The following TMPRSS2 variants were observed in gnomAD, a reference collection of about 807,000 sequenced individuals.
TMPRSS2 encodes transmembrane protease serine 2.
TMPRSS2 carries 59 observed loss-of-function variants against 67.4 expected under a neutral mutation model. That is an observed-to-expected ratio of 0.88 (90% CI 0.71 to 1.09). The LOEUF is 1.09. Ranked by LOEUF, TMPRSS2 falls within the 50% of genes least tolerant of loss-of-function variation. The pLI is 0.00. For missense variants in TMPRSS2, 668 were observed against 642.7 expected, an observed-to-expected ratio of 1.04 and a Z score of -0.43; for synonymous variants, 257 against 257.0, an observed-to-expected ratio of 1.00 and a Z score of 0.00.
chr21:41,498,103 ATAAT>A lies in TMPRSS2; in HGVS notation c.15+12_15+15del. 1.3e-6 allele frequency: 2 copies of A among 1,585,102 alleles called. No homozygotes were observed. The highest frequency in any genetic ancestry group is 1.7e-6 in the Non-Finnish European group (2 of 1,155,522). On this transcript the variant is annotated intron_variant, in intron 2 of 13. Coordinates refer to ENST00000332149, the MANE Select transcript of TMPRSS2 (RefSeq NM_005656.4). Reference sequence around the variant, plus strand: ...GAACAAAGAAAAGGCCAGGAAGGTAATAATTAACCACTTACTGAGTTCAAAGCCA... The same window carrying A: ...GAACAAAGAAAAGGCCAGGAAGGTAATAACCACTTACTGAGTTCAAAGCCA...
intron 13 of TMPRSS2, among the ~76,000 whole-genome samples, chr21:41,467,476 A>T (rs188235654): frequency 6.6e-6 from 1 of 152,154 alleles, no homozygotes; most frequent in African/African-American, 2.4e-5. Context: ...TTGGCAGAGC[A>T]CCAAGGAATT....
intron 9 of TMPRSS2, 149 bp from the exon 10 acceptor site, chr21:41,472,130 G>GA: frequency 1.6e-6 from 1 of 625,688 alleles, no homozygotes; most frequent in Non-Finnish European, 2.5e-6. Context: ...AGAGGTGCTC[G>GA]GTCTCCCCTT....
Position 41,468,728 on chromosome 21 carries a change from C to T in TMPRSS2, c.1172-190G>A, listed in dbSNP as rs143672898. 1.0e-3 allele frequency: 619 copies of T among 595,116 alleles called. 3 individuals carry two copies. The highest frequency in any genetic ancestry group is 3.1e-3 in the South Asian group (132 of 42,158). 36.9% of individuals were successfully genotyped at this position (595,116 alleles called of 1,614,324 possible). ...AAACCTGGATTCTCCTTACAACTGGCGGTGCCTGTGCTGAATGCAGCTCTG... is the reference window on the plus strand; with the variant it reads ...AAACCTGGATTCTCCTTACAACTGGTGGTGCCTGTGCTGAATGCAGCTCTG... On this transcript the variant is annotated intron_variant, in intron 11 of 13. Transcript: ENST00000332149.
chr21:41,502,897 T>C (rs1225304066), intron 1 of TMPRSS2, among the ~76,000 whole-genome samples: 1 of 152,174 alleles, frequency 6.6e-6, no homozygotes, highest in East Asian at 1.9e-4. Context: ...TCTCTCTCTT[T>C]CTGTTTGTTT....
intron 10 of TMPRSS2, among the ~76,000 whole-genome samples, 197 bp from the exon 11 acceptor site, chr21:41,470,940 A>T (rs540359900): frequency 5.9e-5 from 9 of 152,350 alleles, no homozygotes; most frequent in African/African-American, 2.2e-4. Flanking sequence ...TATGCTACTT[A>T]TAAGTAGAAT....
In TMPRSS2 at chr21:41,494,517, T is replaced by C; in HGVS notation, c.77A>G (p.Tyr26Cys). ...ENHGYQPENPYPAQPTVVPTV... is the reference protein window; with the variant it reads ...ENHGYQPENPCPAQPTVVPTV... ...GGGGACCACAGTGGGCTGTGCGGGA[T>C]AGGGGTTTTCCGGTTGGTATCCATG... The change falls in exon 3 of 14, where the codon TAT becomes TGT. Residue 26 changes from tyrosine (Y) to cysteine (C), a missense_variant. Transcript: ENST00000332149. 4 of 1,614,038 alleles carry C rather than the reference T, an allele frequency of 2.5e-6. No individual in the cohort carries two copies. The highest frequency in any genetic ancestry group is 3.4e-6 in the Non-Finnish European group (4 of 1,179,998).
chr21:41,467,670 A>G lies in TMPRSS2; in HGVS notation c.1467+64T>C, dbSNP rs2091096377. On this transcript the variant is annotated intron_variant, in intron 13 of 13. Coordinates refer to ENST00000332149, the MANE Select transcript of TMPRSS2 (RefSeq NM_005656.4). Reference sequence around the variant, plus strand: ...GCTTCCAGCAGCAGAACCACGCCTAACAGATGTCTGGCTTTGGCTCGAGGA... The same window carrying G: ...GCTTCCAGCAGCAGAACCACGCCTAGCAGATGTCTGGCTTTGGCTCGAGGA... The G allele has an allele frequency of 7.6e-6, 12 of 1,587,604 alleles. 1 individual carries two copies. The South Asian group carries it at 1.4e-4, about 19-fold the overall frequency.
Position 41,473,178 on chromosome 21 carries a change from T to C in TMPRSS2, c.899+147A>G. 4 of 938,282 alleles carry C rather than the reference T, an allele frequency of 4.3e-6. No homozygotes were observed. The South Asian group carries it at 7.0e-5, about 16-fold the overall frequency. The allele number at this position is 938,282 out of a possible 1,614,324, so 58.1% of individuals were successfully genotyped here. A position where few individuals can be genotyped will look rare whatever the true frequency, so the allele number is the denominator to read the frequency against. ...CTGCCTGGCATGAGCGCACTTGATG[T>C]CTCACAGCCCTAGGAAGCAGGTGCA... On this transcript the variant is annotated intron_variant, in intron 9 of 13. Coordinates refer to ENST00000332149, the MANE Select transcript of TMPRSS2 (RefSeq NM_005656.4).
At chr21:41,505,712 G>A (rs757923255) in intron 1 of TMPRSS2, among the ~76,000 whole-genome samples, 88 of 152,144 alleles carry the variant, frequency 5.8e-4, no homozygotes, top group Non-Finnish European at 1.1e-3. Context: ...TCAGGATTCC[G>A]GGCGCCTTGT....
At chr21:41,507,858 C>A in intron 1 of TMPRSS2, 2 of 1,393,342 alleles carry the variant, frequency 1.4e-6, no homozygotes, top group South Asian at 1.4e-5. Flanking sequence ...CTCGGCCGTG[C>A]GCAAGGGGTC....
intron 5 of TMPRSS2, among the ~76,000 whole-genome samples, chr21:41,482,903 A>C (rs544657781): frequency 5.8e-4 from 88 of 152,206 alleles, no homozygotes; most frequent in Non-Finnish European, 8.8e-4. Flanking sequence ...TCCTGAAAAG[A>C]CCAAAACTTC....
rs373346846 is a variant in TMPRSS2, at chr21:41,466,115, C to T, written c.*27G>A. 1.2e-5 allele frequency: 20 copies of T among 1,613,418 alleles called. No homozygotes were observed. Among genetic ancestry groups the T allele is most frequent in the South Asian group, 1.1e-4 (10 of 90,970 alleles). On this transcript the variant is annotated 3_prime_UTR_variant, in exon 14 of 14. Transcript: ENST00000332149. ...CCAGCCCCATTGTTTTCTTGTAAAACGACGTCAAGGACGAAGACCATGTGG... is the reference window on the plus strand; with the variant it reads ...CCAGCCCCATTGTTTTCTTGTAAAATGACGTCAAGGACGAAGACCATGTGG...
intron 5 of TMPRSS2, among the ~76,000 whole-genome samples, chr21:41,483,988 AC>A (rs2091277802): frequency 6.6e-6 from 1 of 152,084 alleles, no homozygotes; most frequent in African/African-American, 2.4e-5. Flanking sequence ...GCATGATGGT[AC>A]ATGCCTGTGG....
intron 5 of TMPRSS2, among the ~76,000 whole-genome samples, chr21:41,484,552 C>T (rs56066678): frequency 0.27 from 41,117 of 152,030 alleles, 5,923 homozygotes; most frequent in African/African-American, 0.35. Context: ...TAAAAGTGCA[C>T]CCTATGCCTG....
At chr21:41,485,418 C>T (rs1215546529) in intron 5 of TMPRSS2, among the ~76,000 whole-genome samples, 2 of 151,878 alleles carry the variant, frequency 1.3e-5, no homozygotes, top group African/African-American at 4.8e-5. Flanking sequence ...GAGGCTGAGG[C>T]AGGAGAATTG....
chr21:41,466,235 A>T, intron 13 of TMPRSS2, 82 bp from the exon 14 acceptor site: 1 of 1,449,188 alleles, frequency 6.9e-7, no homozygotes, highest in Non-Finnish European at 9.6e-7. Context: ...CTAGGTTCGC[A>T]TGAAGCACTT....
At chr21:41,485,245 A>C (rs550252022) in intron 5 of TMPRSS2, among the ~76,000 whole-genome samples, 3 of 152,200 alleles carry the variant, frequency 2.0e-5, no homozygotes, top group African/African-American at 7.2e-5. Context: ...ACAACTATTA[A>C]AGTATTTAAA....
intron 1 of TMPRSS2, among the ~76,000 whole-genome samples, chr21:41,502,004 CT>C (rs1163365852): frequency 6.6e-6 from 1 of 152,210 alleles, no homozygotes; most frequent in Non-Finnish European, 1.5e-5. Context: ...GGCTCCATTC[CT>C]GGCTGGCAGG....
chr21:41,485,022 T>C (rs2156301), intron 5 of TMPRSS2, among the ~76,000 whole-genome samples: 143,947 of 151,570 alleles, frequency 0.95, 68,955 homozygotes, highest in Non-Finnish European at 0.98. Context: ...GCAACTCAGA[T>C]GAGTTGCCCC....
Sources: gnomAD v4.1 joint callset for allele counts (sites outside exome capture counted in the v4.1 genomes callset) on GRCh38, gnomAD v4.1.1 for gene constraint, MANE v1.5 for transcripts, NCBI Gene and HGNC (gene_info 2026-07-23, HGNC 2026-07-21) for gene names.